The following MARK3 variants were observed in gnomAD, a reference collection of about 807,000 sequenced individuals.
MARK3 encodes microtubule affinity regulating kinase 3, also known as MAP/microtubule affinity-regulating kinase 3.
A neutral mutation model predicts 90.1 loss-of-function variants in MARK3; 46 were observed. The observed-to-expected ratio is 0.51, with a 90% CI of 0.40 to 0.65. MARK3 has a LOEUF of 0.65. Ranked by LOEUF, MARK3 falls within the 30% of genes least tolerant of loss-of-function variation. The pLI is 0.00. For missense variants in MARK3, 818 were observed against 947.2 expected (o/e 0.86, Z 1.79); for synonymous variants, 321 against 332.6 (o/e 0.97, Z 0.38).
At chr14:103,467,351 C>G (rs1437099265) in intron 11 of MARK3, 160 bp downstream of exon 11, 1 of 459,902 alleles carries the variant, frequency 2.2e-6, no homozygotes, top group Non-Finnish European at 3.9e-6. Flanking sequence ...CTATTATAAG[C>G]TATTTTAACT....
chr14:103,497,008 C>T (rs752075580), intron 15 of MARK3, among the ~76,000 whole-genome samples: 4 of 152,150 alleles, frequency 2.6e-5, no homozygotes, highest in Admixed American at 1.3e-4. Flanking sequence ...CACCACTGTA[C>T]TCCAGCCTGG....
chr14:103,405,620 C>T (rs1343316096), intron 2 of MARK3, among the ~76,000 whole-genome samples: 1 of 152,098 alleles, frequency 6.6e-6, no homozygotes, highest in Non-Finnish European at 1.5e-5. Flanking sequence ...GGATTACAGG[C>T]GTGAGCCATA....
chr14:103,446,204 G>A (rs907570171), intron 3 of MARK3, among the ~76,000 whole-genome samples: 1 of 152,168 alleles, frequency 6.6e-6, no homozygotes, highest in African/African-American at 2.4e-5. Context: ...CTTAAAGGAT[G>A]AAAAGGGAGA....
At chr14:103,476,364 G>C (rs1448598639) in intron 13 of MARK3, among the ~76,000 whole-genome samples, 1 of 152,104 alleles carries the variant, frequency 6.6e-6, no homozygotes, top group East Asian at 1.9e-4. Flanking sequence ...TTCTTACCAT[G>C]TGCCAAGGAC....
intron 2 of MARK3, among the ~76,000 whole-genome samples, chr14:103,420,350 C>T (rs960442782): frequency 3.9e-5 from 6 of 152,098 alleles, no homozygotes; most frequent in Admixed American, 6.5e-5. Flanking sequence ...CCACCTCAGC[C>T]TCCTGAGTAG....
intron 3 of MARK3, chr14:103,441,690 A>G (rs1009342973): frequency 6.6e-6 from 1 of 152,108 alleles, no homozygotes; most frequent in Non-Finnish European, 1.5e-5. Flanking sequence ...ACCAGCAGTC[A>G]TGTGTTACGA....
chr14:103,478,530 G>A (rs1393544961), intron 13 of MARK3, among the ~76,000 whole-genome samples: 1 of 151,318 alleles, frequency 6.6e-6, no homozygotes, highest in African/African-American at 2.4e-5. Flanking sequence ...CCAATTTGTA[G>A]CATGTATTTT....
intron 3 of MARK3, among the ~76,000 whole-genome samples, chr14:103,431,450 GT>G (rs1474915711): frequency 6.6e-6 from 1 of 152,076 alleles, no homozygotes; most frequent in Non-Finnish European, 1.5e-5. Context: ...GGTCAACATG[GT>G]GAAACCGCGT....
At chr14:103,475,590 G>T (rs1054651578) in intron 13 of MARK3, among the ~76,000 whole-genome samples, 2 of 152,186 alleles carry the variant, frequency 1.3e-5, no homozygotes, top group African/African-American at 4.8e-5. Flanking sequence ...GGAGACAAAT[G>T]CTGTGTTGTC....
chr14:103,409,084 T>A (rs1595518576), intron 2 of MARK3, among the ~76,000 whole-genome samples: 2 of 152,166 alleles, frequency 1.3e-5, no homozygotes, highest in Admixed American at 1.3e-4. Context: ...CTTACCTGAT[T>A]TACATTATCT....
chr14:103,470,455 A>ATTTCTTTTTTTTTTTTTTT (rs2093604677), intron 12 of MARK3, among the ~76,000 whole-genome samples: 1 of 55,050 alleles, frequency 1.8e-5, no homozygotes, highest in Non-Finnish European at 3.4e-5. Context: ...AACTAAATCT[A>ATTTCTTTTTTTTTTTTTTT]TTTTTTTTTT....
At chr14:103,428,784 T>C (rs2092491442) in intron 3 of MARK3, among the ~76,000 whole-genome samples, 1 of 152,174 alleles carries the variant, frequency 6.6e-6, no homozygotes, top group Non-Finnish European at 1.5e-5. Context: ...TTTCATGTAA[T>C]TGATATTGTG....
chr14:103,448,345 A>G (rs1400944309), intron 3 of MARK3, among the ~76,000 whole-genome samples: 1 of 152,036 alleles, frequency 6.6e-6, no homozygotes, highest in Non-Finnish European at 1.5e-5. Context: ...TGAAGGGGGC[A>G]CTCCACAAAA....
chr14:103,462,308 A>G, intron 6 of MARK3, 97 bp from the exon 7 acceptor site: 1 of 817,226 alleles, frequency 1.2e-6, no homozygotes, highest in Non-Finnish European at 2.0e-6. Context: ...TCGAGCGTAT[A>G]CTGAGTATTC....
chr14:103,435,419 A>T (rs563380591), intron 3 of MARK3, among the ~76,000 whole-genome samples: 23 of 151,640 alleles, frequency 1.5e-4, no homozygotes, highest in East Asian at 3.9e-4. Flanking sequence ...TTATTTATTT[A>T]TTTTTTTGAG....
Position 103,498,487 on chromosome 14 carries a change from CTTAAT to C in MARK3, c.1845-12_1845-8del. 6.7e-6 allele frequency: 7 copies of C among 1,052,504 alleles called. No homozygotes were observed. The highest frequency in any genetic ancestry group is 7.4e-6 in the Non-Finnish European group (6 of 807,550). 65.2% of individuals were successfully genotyped at this position (1,052,504 alleles called of 1,614,324 possible). ...TTTTGTTAATTTTTTTTTTTTTTTA[CTTAAT>C]TTCTTTTAGAAACATGTCATTCAGG... On this transcript the variant is annotated splice_polypyrimidine_tract_variant and intron_variant, in intron 15 of 17. Coordinates refer to ENST00000429436, the MANE Select transcript of MARK3 (RefSeq NM_001128918.3).
At chr14:103,441,233 A>G (rs10134819) in intron 3 of MARK3, among the ~76,000 whole-genome samples, 4,269 of 151,996 alleles carry the variant, frequency 0.028, 223 homozygotes, top group African/African-American at 0.097. Context: ...AAGCAGTTAC[A>G]TTTATCAGTC....
intron 2 of MARK3, among the ~76,000 whole-genome samples, chr14:103,406,741 T>G (rs1167552067): frequency 6.7e-6 from 1 of 148,928 alleles, no homozygotes; most frequent in Non-Finnish European, 1.5e-5. Context: ...TAGCTGGGAT[T>G]ATAGGCATGA....
At chr14:103,483,003 C>A (rs1287798688) in intron 14 of MARK3, among the ~76,000 whole-genome samples, 4 of 152,124 alleles carry the variant, frequency 2.6e-5, no homozygotes, top group Non-Finnish European at 5.9e-5. Context: ...TTTGGACTTT[C>A]CTTTCCTATC....
Sources: allele counts gnomAD v4.1 joint callset (sites outside exome capture counted in the v4.1 genomes callset), GRCh38; gene constraint gnomAD v4.1.1; transcripts MANE v1.5; gene names NCBI Gene and HGNC (gene_info 2026-07-23, HGNC 2026-07-21).